Variants in FBXW7 observed in about 807,000 individuals in gnomAD.
FBXW7 encodes F-box/WD repeat-containing protein 7.
FBXW7 carries 11 observed loss-of-function variants against 86.3 expected under a neutral mutation model. The observed-to-expected ratio is 0.13, with a 90% confidence interval of 0.08 to 0.21. The LOEUF is 0.21. FBXW7 is among the 10% of genes least tolerant of loss of function. The probability of loss-of-function intolerance (pLI) is 1.00; values close to 1 mark genes in which losing one functional copy is unlikely to be tolerated. For missense variants in FBXW7, 488 were observed against 847.4 expected, an observed-to-expected ratio of 0.58 and a Z score of 5.27; for synonymous variants, 313 against 297.9, an observed-to-expected ratio of 1.05 and a Z score of -0.52.
chr4:152,453,204 A>C (rs2127023700), intron 2 of FBXW7, among the ~76,000 whole-genome samples: 1 of 152,284 alleles, frequency 6.6e-6, no homozygotes, highest in East Asian at 1.9e-4. Context: ...AAAAAAACTT[A>C]ATTATTTATG....
chr4:152,352,889 T>G (rs1731984029), intron 4 of FBXW7: 1 of 1,450,796 alleles, frequency 6.9e-7, no homozygotes, highest in Admixed American at 2.7e-5. Flanking sequence ...CACAGAATGG[T>G]GCAGTCCAGG....
intron 2 of FBXW7, among the ~76,000 whole-genome samples, chr4:152,450,993 T>C (rs1439934390): frequency 6.6e-6 from 1 of 152,214 alleles, no homozygotes; most frequent in Non-Finnish European, 1.5e-5. Context: ...CGTATTTTCA[T>C]TATTTATCAT....
chr4:152,419,144 A>G (rs1738716026), intron 2 of FBXW7, among the ~76,000 whole-genome samples: 2 of 152,112 alleles, frequency 1.3e-5, no homozygotes, highest in African/African-American at 2.4e-5. Context: ...TTTACTATTC[A>G]ACACTGTCAA....
intron 2 of FBXW7, among the ~76,000 whole-genome samples, chr4:152,478,152 AC>A (rs1450972723): frequency 6.6e-6 from 1 of 152,116 alleles, no homozygotes; most frequent in Non-Finnish European, 1.5e-5. Flanking sequence ...AGAATGTTGT[AC>A]AATTATCACC....
At chr4:152,402,906 T>C (rs964339714) in intron 4 of FBXW7, among the ~76,000 whole-genome samples, 1 of 152,164 alleles carries the variant, frequency 6.6e-6, no homozygotes, top group African/African-American at 2.4e-5. Flanking sequence ...AAATAACGTC[T>C]AAAACTATGA....
chr4:152,421,822 T>C (rs1168371811), intron 2 of FBXW7, among the ~76,000 whole-genome samples: 1 of 151,942 alleles, frequency 6.6e-6, no homozygotes, highest in South Asian at 2.1e-4. Flanking sequence ...GTTGGTGGAG[T>C]GGTCAGAATA....
chr4:152,515,361 T>C (rs1026457676), intron 2 of FBXW7, among the ~76,000 whole-genome samples: 1 of 152,186 alleles, frequency 6.6e-6, no homozygotes, highest in Non-Finnish European at 1.5e-5. Context: ...TGAAGGGGCA[T>C]GAGGAATCTT....
chr4:152,397,831 A>T (rs1479781625), intron 4 of FBXW7, among the ~76,000 whole-genome samples: 1 of 151,962 alleles, frequency 6.6e-6, no homozygotes, highest in Non-Finnish European at 1.5e-5. Context: ...CATTTAGACA[A>T]GGGAAGTAGC....
intron 4 of FBXW7, among the ~76,000 whole-genome samples, chr4:152,404,743 C>CAATTTTAATGA (rs1449506926): frequency 6.6e-6 from 1 of 152,066 alleles, no homozygotes; most frequent in Non-Finnish European, 1.5e-5. Flanking sequence ...GTCTTAAACT[C>CAATTTTAATGA]AATTTTAATG....
chr4:152,336,014 C>T (rs1730053458), intron 7 of FBXW7, among the ~76,000 whole-genome samples: 1 of 152,082 alleles, frequency 6.6e-6, no homozygotes, highest in Non-Finnish European at 1.5e-5. Context: ...AAAATAAGTC[C>T]ATTTCCTGAC....
intron 2 of FBXW7, among the ~76,000 whole-genome samples, chr4:152,470,950 G>A (rs1743897940): frequency 6.6e-6 from 1 of 152,074 alleles, no homozygotes; most frequent in Admixed American, 6.5e-5. Context: ...AAAACTGACT[G>A]CCTTCTCTAA....
At chr4:152,384,649 T>A (rs987065534) in intron 4 of FBXW7, among the ~76,000 whole-genome samples, 12 of 152,058 alleles carry the variant, frequency 7.9e-5, no homozygotes, top group Admixed American at 7.9e-4. Flanking sequence ...CTGAATTGTA[T>A]ACTTAAACAT....
chr4:152,366,594 C>T (rs1301821189), intron 4 of FBXW7, among the ~76,000 whole-genome samples: 1 of 152,108 alleles, frequency 6.6e-6, no homozygotes, highest in Admixed American at 6.6e-5. Context: ...CCATCTCACA[C>T]CAGTTAGAAT....
At chr4:152,533,517 A>G (rs1396852321) in intron 2 of FBXW7, among the ~76,000 whole-genome samples, 6 of 152,234 alleles carry the variant, frequency 3.9e-5, no homozygotes, top group African/African-American at 1.4e-4. Flanking sequence ...ATAACAAGGC[A>G]ACTAAAGAAA....
chr4:152,407,216 T>C (rs1338149830), intron 4 of FBXW7, among the ~76,000 whole-genome samples: 2 of 152,174 alleles, frequency 1.3e-5, no homozygotes, highest in Admixed American at 6.5e-5. Context: ...ATCTCACCCA[T>C]TGTCCCCATT....
At chr4:152,444,390 T>C (rs1365818816) in intron 2 of FBXW7, among the ~76,000 whole-genome samples, 1 of 151,760 alleles carries the variant, frequency 6.6e-6, no homozygotes, top group Non-Finnish European at 1.5e-5. Context: ...CCATTATAGA[T>C]GATAATGGTA....
At chr4:152,495,220 G>A (rs1207369788) in intron 2 of FBXW7, among the ~76,000 whole-genome samples, 8 of 152,058 alleles carry the variant, frequency 5.3e-5, no homozygotes, top group Non-Finnish European at 1.0e-4. Flanking sequence ...ATCACCTGAG[G>A]TCAGGAGTTC....
chr4:152,426,633 T>C (rs1367316298), intron 2 of FBXW7, among the ~76,000 whole-genome samples: 1 of 152,140 alleles, frequency 6.6e-6, no homozygotes, highest in African/African-American at 2.4e-5. Flanking sequence ...AGATCAGACC[T>C]GTAACAGGGG....
At chr4:152,499,488 C>A (rs1396227606) in intron 2 of FBXW7, among the ~76,000 whole-genome samples, 1 of 152,092 alleles carries the variant, frequency 6.6e-6, no homozygotes, top group African/African-American at 2.4e-5. Flanking sequence ...GATCCTCAAA[C>A]CTGACAGATT....
Sources: allele counts gnomAD v4.1 joint callset (sites outside exome capture counted in the v4.1 genomes callset), GRCh38; gene constraint gnomAD v4.1.1; transcripts MANE v1.5; gene names NCBI Gene and HGNC (gene_info 2026-07-23, HGNC 2026-07-21).